Variants in SRC observed in about 807,000 individuals in gnomAD.
SRC encodes the protein SRC proto-oncogene, non-receptor tyrosine kinase, also known as proto-oncogene tyrosine-protein kinase Src.
A neutral mutation model predicts 62.9 loss-of-function variants in SRC; 13 were observed. The observed-to-expected ratio is 0.21, with a 90% CI of 0.13 to 0.33. SRC has a LOEUF of 0.33. SRC is among the 10% of genes least tolerant of loss of function. The pLI is 1.00. For synonymous variants in SRC, 302 were observed against 317.5 expected, an observed-to-expected ratio of 0.95 and a Z score of 0.52; for missense variants, 457 against 737.3, an observed-to-expected ratio of 0.62 and a Z score of 4.40.
At chr20:37,377,615 T>C (rs543899139) in intron 2 of SRC, among the ~76,000 whole-genome samples, 3 of 152,190 alleles carry the variant, frequency 2.0e-5, no homozygotes, top group African/African-American at 7.2e-5. Context: ...GGACACACCA[T>C]GGGAGACGGC....
chr20:37,365,126 G>A (rs1336442406), intron 1 of SRC, 78 bp from the exon 2 acceptor site: 1 of 152,172 alleles, frequency 6.6e-6, no homozygotes, highest in Non-Finnish European at 1.5e-5. Flanking sequence ...GGGAGGCCCT[G>A]AGCTTGTGCT....
At chr20:37,354,452 C>G (rs1465282396) in intron 1 of SRC, among the ~76,000 whole-genome samples, 1 of 152,208 alleles carries the variant, frequency 6.6e-6, no homozygotes, top group African/African-American at 2.4e-5. Flanking sequence ...AGGCAGCACT[C>G]AACAGCTGCA....
rs2070667759 is a variant in SRC, at chr20:37,397,270, C to T, written c.704-429C>T. 6.6e-6 allele frequency among the ~76,000 whole-genome samples: 1 copy of T among 152,204 alleles called. No individual in the cohort carries two copies. Among genetic ancestry groups the T allele is most frequent in the African/African-American group, 2.4e-5 (1 of 41,448 alleles). Reference sequence around the variant, plus strand: ...CCCTACTTAACCCCTCACCGTCCTGCACATCCAAGCTCAGTTGCTGCTTCC... The same window carrying T: ...CCCTACTTAACCCCTCACCGTCCTGTACATCCAAGCTCAGTTGCTGCTTCC... On this transcript the variant is annotated intron_variant, in intron 8 of 13. Coordinates refer to ENST00000373578, the MANE Select transcript of SRC (RefSeq NM_198291.3). The surrounding 1 kb of genome is among the most constrained non-coding windows in gnomAD (Gnocchi z 4.1).
Position 37,384,416 on chromosome 20 carries a change from G to T in SRC, c.250+13G>T. The T allele has an allele frequency of 7.4e-7, 1 of 1,352,474 alleles. No individual in the cohort carries two copies. The highest frequency in any genetic ancestry group is 9.4e-7 in the Non-Finnish European group (1 of 1,060,916). The allele number at this position is 1,352,474 out of a possible 1,614,324, so 83.8% of individuals were successfully genotyped here. On this transcript the variant is annotated intron_variant, in intron 4 of 13. Coordinates refer to ENST00000373578, the MANE Select transcript of SRC (RefSeq NM_198291.3). The surrounding 1 kb of genome is among the most constrained non-coding windows in gnomAD (Gnocchi z 6.7). ...GGCCCGCTGGCCGGTCAGTGCGCGGGCGGCGCGGGGTCCTCGCCCACCTGG... is the reference window on the plus strand; with the variant it reads ...GGCCCGCTGGCCGGTCAGTGCGCGGTCGGCGCGGGGTCCTCGCCCACCTGG...
intron 1 of SRC, among the ~76,000 whole-genome samples, chr20:37,352,904 AG>A (rs971861848): frequency 2.0e-5 from 3 of 152,174 alleles, no homozygotes; most frequent in Non-Finnish European, 2.9e-5. Context: ...TGGCTTCAGA[AG>A]GCCTTTGTGA....
At position 37,393,889 on chromosome 20, in the gene SRC, G is replaced by A. The variant is rs1202071873; in HGVS notation, c.351-6G>A. 2 of 1,610,028 alleles carry A rather than the reference G, an allele frequency of 1.2e-6. No individual in the cohort carries two copies. Among genetic ancestry groups the A allele is most frequent in the Admixed American group, 3.3e-5 (2 of 60,010 alleles). ...TCCTTTCCTCCCTCCTTCTGTCCCT[G>A]CTCAGAGAGGGAGACTGGTGGCTGG... On this transcript the variant is annotated splice_polypyrimidine_tract_variant and splice_region_variant and intron_variant, in intron 5 of 13. Transcript: ENST00000373578.
At chr20:37,345,192 C>T (rs1361738755), upstream of SRC, among the ~76,000 whole-genome samples, 2 of 152,136 alleles carry the variant, frequency 1.3e-5, no homozygotes, top group Non-Finnish European at 2.9e-5. Context: ...AAAGCTGGAC[C>T]CAGGCCCACC....
chr20:37,356,310 T>G (rs937553414), intron 1 of SRC, among the ~76,000 whole-genome samples: 12 of 152,106 alleles, frequency 7.9e-5, no homozygotes, highest in African/African-American at 2.2e-4. Flanking sequence ...CTGGTGCCAA[T>G]GGGTAGAGGG....
intron 6 of SRC, 49 bp from the exon 7 acceptor site, chr20:37,394,125 G>C: frequency 6.3e-7 from 1 of 1,584,376 alleles, no homozygotes; most frequent in South Asian, 1.1e-5. Context: ...CACTGTGAGT[G>C]GGCAGAAGCC....
At chr20:37,349,052 C>T (rs2069763123) in intron 1 of SRC, among the ~76,000 whole-genome samples, 2 of 152,070 alleles carry the variant, frequency 1.3e-5, no homozygotes, top group South Asian at 4.1e-4. Context: ...CTTGTGGGCC[C>T]TGGGGAGGAG....
chr20:37,395,326 C>T (rs965632374), intron 7 of SRC, among the ~76,000 whole-genome samples: 1 of 152,216 alleles, frequency 6.6e-6, no homozygotes, highest in Non-Finnish European at 1.5e-5. Context: ...GCTGGGCTTC[C>T]CCCATGCCCA....
chr20:37,403,015 C>A lies in SRC; in HGVS notation c.1402+135C>A. 1.5e-6 allele frequency: 2 copies of A among 1,341,158 alleles called. No individual in the cohort carries two copies. Among genetic ancestry groups the A allele is most frequent in the South Asian group, 1.4e-5 (1 of 69,592 alleles). The allele number at this position is 1,341,158 out of a possible 1,614,324, so 83.1% of individuals were successfully genotyped here. On this transcript the variant is annotated intron_variant, in intron 13 of 13. Transcript: ENST00000373578. The surrounding 1 kb of genome is among the most constrained non-coding windows in gnomAD (Gnocchi z 7.1). The stretch of plus-strand genomic sequence containing the variant: ...AGTTGAGCGTCTGATGTTAGGCTCT[C>A]TCGATGGTCCATGCTCTCAGCTTCG...
At chr20:37,362,261 T>A (rs2069986638) in intron 1 of SRC, among the ~76,000 whole-genome samples, 1 of 151,424 alleles carries the variant, frequency 6.6e-6, no homozygotes, top group Admixed American at 6.6e-5. Flanking sequence ...GGGTCTCACT[T>A]TGTTGCCCAG....
intron 11 of SRC, chr20:37,401,975 GC>G (rs1183603840): frequency 1.3e-5 from 5 of 388,328 alleles, no homozygotes; most frequent in Non-Finnish European, 1.8e-5. Flanking sequence ...ACGTGTTCAT[GC>G]TTGCTGTAGG....
Position 37,397,682 on chromosome 20 carries a change from TC to T in SRC, c.704-15del. 1.3e-6 allele frequency: 2 copies of T among 1,544,694 alleles called. No individual in the cohort carries two copies. Among genetic ancestry groups the T allele is most frequent in the Non-Finnish European group, 1.8e-6 (2 of 1,142,352 alleles). ...GGCAGAAGACCCGCCTAACTGCTCC[TC>T]CTGCCTCCTCCTCAGAACACGCCGA... is the stretch of plus-strand genomic sequence containing the variant. On this transcript the variant is annotated splice_polypyrimidine_tract_variant and intron_variant, in intron 8 of 13. Transcript: ENST00000373578. This position sits in a 1 kb window ranked among gnomAD's most constrained non-coding sequence, Gnocchi z 4.1.
intron 2 of SRC, among the ~76,000 whole-genome samples, chr20:37,367,920 A>C (rs2070090325): frequency 6.6e-6 from 1 of 152,202 alleles, no homozygotes. Context: ...CTGGGATTAC[A>C]TGCATGAGCC....
chr20:37,395,330 A>C (rs1015760837), intron 7 of SRC, among the ~76,000 whole-genome samples: 2 of 152,178 alleles, frequency 1.3e-5, no homozygotes, highest in African/African-American at 4.8e-5. Context: ...GGCTTCCCCC[A>C]TGCCCATGCA....
At chr20:37,386,611 C>T (rs1295760494) in intron 5 of SRC, 4 of 662,934 alleles carry the variant, frequency 6.0e-6, no homozygotes, top group Admixed American at 2.1e-5. Context: ...CCAGCTTCTC[C>T]CCTCCCCCCT....
rs1004912941 is a variant in SRC, at chr20:37,404,013, G to A, written c.*634G>A. The A allele has an allele frequency of 5.1e-5, 12 of 235,200 alleles. 1 individual carries two copies. Among genetic ancestry groups the A allele is most frequent in the Admixed American group, 1.7e-4 (3 of 18,138 alleles). 14.6% of individuals were successfully genotyped at this position (235,200 alleles called of 1,614,324 possible). The stretch of plus-strand genomic sequence containing the variant: ...CCTCCTTAGACCTGAGGGACCCTTC[G>A]AGATCATCACTTCCTTGCCCCCATT... On this transcript the variant is annotated 3_prime_UTR_variant, in exon 14 of 14. Transcript: ENST00000373578.
Sources: allele counts gnomAD v4.1 joint callset (sites outside exome capture counted in the v4.1 genomes callset), GRCh38; gene constraint gnomAD v4.1.1; non-coding constraint Gnocchi (gnomAD v3.1); transcripts MANE v1.5; gene names NCBI Gene and HGNC (gene_info 2026-07-23, HGNC 2026-07-21).